CAPN2: variants seen among roughly 807,000 people sequenced by gnomAD.
CAPN2 encodes calpain 2.
CAPN2 carries 92 observed loss-of-function variants against 102.3 expected under a neutral mutation model. The observed-to-expected ratio is 0.90, with a 90% CI of 0.76 to 1.07. The LOEUF (loss-of-function observed/expected upper bound fraction) is 1.07, where lower values mean the gene tolerates loss of function less well. CAPN2 is among the 50% of genes least tolerant of loss of function. CAPN2 has a pLI of 0.00. For synonymous variants in CAPN2, 340 were observed against 355.4 expected, an observed-to-expected ratio of 0.96 and a Z score of 0.49; for missense variants, 800 against 909.4, an observed-to-expected ratio of 0.88 and a Z score of 1.55.
intron 1 of CAPN2, among the ~76,000 whole-genome samples, chr1:223,714,098 C>T (rs894486596): frequency 1.3e-5 from 2 of 152,184 alleles, no homozygotes; most frequent in Admixed American, 1.3e-4. Flanking sequence ...ATGTTCCCTT[C>T]CTAAAGAGGT....
intron 17 of CAPN2, 52 bp downstream of exon 17, chr1:223,769,961 A>G: frequency 7.5e-7 from 1 of 1,330,370 alleles, no homozygotes; most frequent in Admixed American, 1.9e-5. Context: ...TTCTGTTCAT[A>G]TGCTTTAAGA....
chr1:223,709,681 T>C (rs80134413), upstream of CAPN2, among the ~76,000 whole-genome samples: 15,693 of 147,750 alleles, frequency 0.11, 1,006 homozygotes, highest in South Asian at 0.16. Flanking sequence ...AAAGAGTCCA[T>C]TTAACTTGAT....
At chr1:223,774,196 C>T (rs1008650924) in intron 20 of CAPN2, among the ~76,000 whole-genome samples, 1 of 151,394 alleles carries the variant, frequency 6.6e-6, no homozygotes, top group Non-Finnish European at 1.5e-5. Context: ...CCTGCTCAGT[C>T]CACTCCCTCC....
intron 5 of CAPN2, 44 bp from the exon 6 acceptor site, chr1:223,748,995 A>T: frequency 6.5e-7 from 1 of 1,546,550 alleles, no homozygotes; most frequent in Non-Finnish European, 8.9e-7. Flanking sequence ...TCCGGGAGGA[A>T]GGGAGAGCGG....
upstream of CAPN2, among the ~76,000 whole-genome samples, chr1:223,709,336 C>T (rs1305896215): frequency 2.0e-5 from 3 of 152,106 alleles, no homozygotes; most frequent in African/African-American, 2.4e-5. Flanking sequence ...CATCATGGCT[C>T]TCATATTAGT....
At chr1:223,772,324 TC>T in intron 20 of CAPN2, 85 bp downstream of exon 20, 1 of 1,247,342 alleles carries the variant, frequency 8.0e-7, no homozygotes, top group Admixed American at 1.7e-5. Context: ...ATCTGCTTTT[TC>T]AAGTTTTGCT....
At chr1:223,737,733 T>A (rs1474304883) in intron 2 of CAPN2, among the ~76,000 whole-genome samples, 61 of 80,708 alleles carry the variant, frequency 7.6e-4, no homozygotes, top group Admixed American at 1.7e-3. Context: ...GAGAATACAA[T>A]AACACCATGT....
At chr1:223,738,485 A>G (rs1263879406) in intron 2 of CAPN2, among the ~76,000 whole-genome samples, 1 of 152,198 alleles carries the variant, frequency 6.6e-6, no homozygotes, top group Non-Finnish European at 1.5e-5. Flanking sequence ...TGCTATTTTT[A>G]TTAGCATTAC....
At chr1:223,751,836 A>G (rs1014776277) in intron 7 of CAPN2, among the ~76,000 whole-genome samples, 161 bp from the exon 8 acceptor site, 5 of 152,202 alleles carry the variant, frequency 3.3e-5, no homozygotes, top group Non-Finnish European at 4.4e-5. Flanking sequence ...AAGTGCTGTA[A>G]GAGTATTAAA....
chr1:223,770,001 C>T, intron 17 of CAPN2, 92 bp downstream of exon 17: 1 of 1,018,134 alleles, frequency 9.8e-7, no homozygotes, highest in Non-Finnish European at 1.5e-6. Flanking sequence ...AGTGGAGAAA[C>T]ATTTCCAAGG....
intron 12 of CAPN2, among the ~76,000 whole-genome samples, chr1:223,761,323 T>C (rs1163195720): frequency 6.6e-6 from 1 of 152,212 alleles, no homozygotes; most frequent in Non-Finnish European, 1.5e-5. Flanking sequence ...TTTTTGCTGT[T>C]TAGGGGATGT....
Position 223,757,313 on chromosome 1 carries a change from T to C in CAPN2, c.1306-56T>C, listed in dbSNP as rs528940439. ...GCAGCGGAAGAGAAGAGCACAGTGA[T>C]GCATTTTCTTACACTGCTTTTCCGG... On this transcript the variant is annotated intron_variant, in intron 10 of 20. Transcript: ENST00000295006. The C allele has an allele frequency of 1.3e-4, 212 of 1,596,218 alleles. 1 individual carries two copies. In the East Asian group the frequency reaches 4.7e-3, roughly 35 times the overall value.
chr1:223,761,469 AC>A (rs1661182941), intron 12 of CAPN2, 111 bp from the exon 13 acceptor site: 1 of 695,586 alleles, frequency 1.4e-6, no homozygotes, highest in South Asian at 2.0e-5. Flanking sequence ...GCCCTGCCCC[AC>A]CCCACCTACC....
chr1:223,730,615 T>G (rs1660314977), intron 2 of CAPN2, among the ~76,000 whole-genome samples: 1 of 152,226 alleles, frequency 6.6e-6, no homozygotes, highest in Admixed American at 6.5e-5. Flanking sequence ...GGTATCTTAT[T>G]GCTAGGAAGA....
intron 2 of CAPN2, among the ~76,000 whole-genome samples, chr1:223,730,271 CG>C (rs1229859564): frequency 2.0e-5 from 3 of 151,762 alleles, no homozygotes; most frequent in Non-Finnish European, 4.4e-5. Context: ...GTCCAACCCT[CG>C]TGCTGCCCAG....
chr1:223,751,119 G>A (rs1218381014), intron 7 of CAPN2, 144 bp downstream of exon 7: 3 of 728,774 alleles, frequency 4.1e-6, no homozygotes, highest in African/African-American at 3.6e-5. Flanking sequence ...GGGACCCGTG[G>A]ACAGGGGCCC....
chr1:223,775,727 GT>G lies in CAPN2; in HGVS notation c.*873del, dbSNP rs991823005. 1.6e-4 allele frequency: 25 copies of G among 152,620 alleles called. No homozygotes were observed. The highest frequency in any genetic ancestry group is 6.0e-4 in the African/African-American group (25 of 41,444). 9.5% of individuals were successfully genotyped at this position (152,620 alleles called of 1,614,324 possible). The stretch of plus-strand genomic sequence containing the variant: ...GTTCTTATAGAAAGGACACAAGTTT[GT>G]TTCCTGGCTTTACCTTGGGAAAATG... On this transcript the variant is annotated 3_prime_UTR_variant, in exon 21 of 21. Transcript: ENST00000295006.
intron 1 of CAPN2, among the ~76,000 whole-genome samples, chr1:223,713,552 C>T (rs1212526400): frequency 5.9e-5 from 9 of 152,146 alleles, no homozygotes; most frequent in Admixed American, 6.5e-5. Context: ...GGGTCTCTGA[C>T]CTCCCGGCCC....
At chr1:223,740,396 T>G (rs1327463229) in intron 2 of CAPN2, among the ~76,000 whole-genome samples, 2 of 152,154 alleles carry the variant, frequency 1.3e-5, no homozygotes, top group Admixed American at 1.3e-4. Context: ...ACAGGGTCAT[T>G]TATAACCTGA....
Sources: allele counts gnomAD v4.1 joint callset (sites outside exome capture counted in the v4.1 genomes callset), GRCh38; gene constraint gnomAD v4.1.1; transcripts MANE v1.5; gene names NCBI Gene and HGNC (gene_info 2026-07-23, HGNC 2026-07-21).